The following CTNNA2 variants were observed in gnomAD, a reference collection of about 807,000 sequenced individuals.
CTNNA2 encodes catenin alpha 2, also known as catenin alpha-2.
CTNNA2 carries 42 observed loss-of-function variants against 101.0 expected under a neutral mutation model. That is an observed-to-expected ratio of 0.42 (90% CI 0.32 to 0.54). The LOEUF (loss-of-function observed/expected upper bound fraction) is 0.54. CTNNA2 is among the 20% of genes least tolerant of loss of function. The probability of loss-of-function intolerance (pLI) is 0.14; values close to 1 mark genes in which losing one functional copy is unlikely to be tolerated. For missense variants in CTNNA2, 871 were observed against 1,223.1 expected (o/e 0.71, Z 4.29); for synonymous variants, 450 against 456.4 (o/e 0.99, Z 0.18).
intron 1 of CTNNA2, among the ~76,000 whole-genome samples, chr2:79,549,087 C>T (rs562862577): frequency 1.3e-5 from 2 of 152,284 alleles, no homozygotes; most frequent in East Asian, 3.9e-4. Context: ...TCTGATTGTC[C>T]ATCCAAAAAC....
chr2:79,203,809 T>C (rs1018702059), intron 2 of CTNNA2, among the ~76,000 whole-genome samples: 5 of 152,186 alleles, frequency 3.3e-5, no homozygotes, highest in African/African-American at 1.2e-4. Flanking sequence ...AGGATAGCAG[T>C]TGATGCTTTT....
intron 7 of CTNNA2, among the ~76,000 whole-genome samples, chr2:80,070,149 G>T (rs933291628): frequency 2.6e-5 from 4 of 152,142 alleles, no homozygotes; most frequent in African/African-American, 9.7e-5. Flanking sequence ...TAGAGTAGTG[G>T]GTGAGATGAT....
chr2:80,281,874 A>G (rs1401386828), intron 7 of CTNNA2, among the ~76,000 whole-genome samples: 1 of 152,050 alleles, frequency 6.6e-6, no homozygotes, highest in Non-Finnish European at 1.5e-5. Context: ...AAATTCTCTT[A>G]TCTTTTCAAC....
At chr2:79,330,679 T>C (rs1676851043) in intron 3 of CTNNA2, among the ~76,000 whole-genome samples, 1 of 152,158 alleles carries the variant, frequency 6.6e-6, no homozygotes, top group Non-Finnish European at 1.5e-5. Context: ...GCTGTTCGCA[T>C]GATAGTGAAT....
chr2:80,188,264 G>A (rs1402380502), intron 7 of CTNNA2, among the ~76,000 whole-genome samples: 2 of 152,200 alleles, frequency 1.3e-5, no homozygotes, highest in Non-Finnish European at 2.9e-5. Flanking sequence ...AAATGTGAAT[G>A]TGAAGATCCT....
intron 7 of CTNNA2, among the ~76,000 whole-genome samples, chr2:80,188,906 A>G (rs1371590494): frequency 6.6e-6 from 1 of 150,776 alleles, no homozygotes; most frequent in Non-Finnish European, 1.5e-5. Context: ...AACTAAAACA[A>G]ACTCTTTCCA....
At chr2:80,136,103 T>C (rs1033969861) in intron 7 of CTNNA2, among the ~76,000 whole-genome samples, 76 of 152,300 alleles carry the variant, frequency 5.0e-4, no homozygotes, top group African/African-American at 1.6e-3. Flanking sequence ...TTCTTGGTTT[T>C]TGTATAGTAG....
intron 7 of CTNNA2, among the ~76,000 whole-genome samples, chr2:80,022,857 C>T (rs1900268): frequency 0.13 from 19,868 of 152,112 alleles, 1,638 homozygotes; most frequent in South Asian, 0.32. Flanking sequence ...TGCTCTTTTT[C>T]CTAATGACAA....
chr2:80,349,362 A>G (rs1028389491), intron 7 of CTNNA2, among the ~76,000 whole-genome samples: 8 of 152,072 alleles, frequency 5.3e-5, no homozygotes, highest in East Asian at 3.9e-4. Flanking sequence ...AGCTTTGTTG[A>G]TTTGTTGATT....
At chr2:79,681,677 T>C (rs893915364) in intron 2 of CTNNA2, among the ~76,000 whole-genome samples, 4 of 152,234 alleles carry the variant, frequency 2.6e-5, no homozygotes, top group African/African-American at 9.6e-5. Flanking sequence ...TGAAACCATC[T>C]CTTAAGACAT....
At chr2:79,490,262 T>G (rs116792426) in intron 4 of CTNNA2, among the ~76,000 whole-genome samples, 1,769 of 152,302 alleles carry the variant, frequency 0.012, 29 homozygotes, top group African/African-American at 0.04. Context: ...GGCATATTCT[T>G]TGGCCCTGTG....
chr2:79,200,337 T>C (rs1340630021), intron 2 of CTNNA2, among the ~76,000 whole-genome samples: 2 of 151,280 alleles, frequency 1.3e-5, no homozygotes, highest in Non-Finnish European at 2.9e-5. Context: ...TGAGCCGAGA[T>C]TGCGCCACTG....
chr2:79,673,408 T>C (rs1483008095), intron 2 of CTNNA2, among the ~76,000 whole-genome samples: 2 of 152,168 alleles, frequency 1.3e-5, no homozygotes, highest in Non-Finnish European at 2.9e-5. Flanking sequence ...TATATTGGGA[T>C]TAAAGTACAA....
At chr2:79,807,736 C>T (rs1196645564) in intron 3 of CTNNA2, among the ~76,000 whole-genome samples, 1 of 152,130 alleles carries the variant, frequency 6.6e-6, no homozygotes, top group Non-Finnish European at 1.5e-5. Flanking sequence ...GAAGTTACAG[C>T]TGTCCCATTT....
chr2:79,338,375 G>T (rs1677044787), intron 3 of CTNNA2, among the ~76,000 whole-genome samples: 1 of 152,042 alleles, frequency 6.6e-6, no homozygotes, highest in Non-Finnish European at 1.5e-5. Flanking sequence ...TGAGTCCAGT[G>T]TAATGAGGGA....
intron 6 of CTNNA2, 84 bp from the exon 7 acceptor site, chr2:79,909,510 A>T: frequency 1.8e-6 from 2 of 1,138,942 alleles, no homozygotes; most frequent in East Asian, 5.0e-5. Flanking sequence ...TTCTTGCCTC[A>T]GATATTTCTG....
rs549714639 is a variant in CTNNA2 at position 80,645,627 on chromosome 2, G to A, written c.2575-1958G>A. 8.5e-5 allele frequency among the ~76,000 whole-genome samples: 13 copies of A among 152,170 alleles called. No individual in the cohort carries two copies. The East Asian group carries it at 1.5e-3, about 18-fold the overall frequency. On this transcript the variant is annotated intron_variant, in intron 18 of 18. Transcript: ENST00000402739. The stretch of plus-strand genomic sequence containing the variant: ...TAAATGCGATTTCTAACAGATTCCC[G>A]GGTGATGCTGATGCTGTTGCACCTC...
intron 7 of CTNNA2, among the ~76,000 whole-genome samples, chr2:80,133,040 A>G (rs1199065200): frequency 6.6e-6 from 1 of 152,228 alleles, no homozygotes; most frequent in African/African-American, 2.4e-5. Flanking sequence ...TAATCAAGTT[A>G]AGATGAGGTC....
chr2:79,956,099 A>G (rs994125390), intron 7 of CTNNA2, among the ~76,000 whole-genome samples: 3 of 152,202 alleles, frequency 2.0e-5, no homozygotes, highest in African/African-American at 7.2e-5. Context: ...TCAACCCAAG[A>G]AGCTGTGGAG....
Sources: gnomAD v4.1 joint callset for allele counts (sites outside exome capture counted in the v4.1 genomes callset) on GRCh38, gnomAD v4.1.1 for gene constraint, MANE v1.5 for transcripts, NCBI Gene and HGNC (gene_info 2026-07-23, HGNC 2026-07-21) for gene names.